SORCS2: variants seen among roughly 807,000 people sequenced by gnomAD.
SORCS2 encodes sortilin related VPS10 domain containing receptor 2, also known as VPS10 domain-containing receptor SorCS2.
A neutral mutation model predicts 141.6 loss-of-function variants in SORCS2; 100 were observed. The observed-to-expected ratio is 0.71, with a 90% CI of 0.60 to 0.83. The LOEUF (loss-of-function observed/expected upper bound fraction) is 0.83. Among genes scored for constraint, SORCS2 ranks in the 40% least tolerant of loss-of-function variants. The pLI is 0.00. For missense variants in SORCS2, 1,646 were observed against 1,560.2 expected (o/e 1.05, Z -0.93); for synonymous variants, 789 against 676.9 (o/e 1.17, Z -2.57).
intron 3 of SORCS2, among the ~76,000 whole-genome samples, chr4:7,623,747 C>T (rs1050094450): frequency 6.6e-6 from 1 of 152,344 alleles, no homozygotes; most frequent in Non-Finnish European, 1.5e-5. Flanking sequence ...CTGGGGTTCA[C>T]GGCTGCCGCT....
intron 1 of SORCS2, among the ~76,000 whole-genome samples, chr4:7,195,158 C>G (rs973512319): frequency 1.4e-5 from 2 of 138,312 alleles, no homozygotes; most frequent in Non-Finnish European, 3.0e-5. Context: ...GGCTTGCGTC[C>G]TCACTGCTGG....
At chr4:7,584,968 A>G (rs547811397) in intron 3 of SORCS2, among the ~76,000 whole-genome samples, 1 of 152,118 alleles carries the variant, frequency 6.6e-6, no homozygotes, top group African/African-American at 2.4e-5. Context: ...GGTGATGTGA[A>G]TCTCTTGTTG....
chr4:7,386,388 CATG>C (rs1273524867), intron 1 of SORCS2, among the ~76,000 whole-genome samples: 4 of 120,820 alleles, frequency 3.3e-5, no homozygotes, highest in Admixed American at 1.7e-4. Flanking sequence ...TGCACACACA[CATG>C]GACATACACA....
chr4:7,344,396 A>G (rs1720534620), intron 1 of SORCS2, among the ~76,000 whole-genome samples: 1 of 152,196 alleles, frequency 6.6e-6, no homozygotes, highest in Non-Finnish European at 1.5e-5. Context: ...CCTAGCACTC[A>G]GGCCTTCACT....
At chr4:7,352,426 C>T (rs1029451805) in intron 1 of SORCS2, among the ~76,000 whole-genome samples, 4 of 152,208 alleles carry the variant, frequency 2.6e-5, no homozygotes, top group African/African-American at 9.6e-5. Context: ...AGTGCTGGGA[C>T]TCACCCCAAT....
At chr4:7,462,432 C>T (rs532882123) in intron 2 of SORCS2, among the ~76,000 whole-genome samples, 1 of 152,252 alleles carries the variant, frequency 6.6e-6, no homozygotes, top group Non-Finnish European at 1.5e-5. Flanking sequence ...TTGTTTTATG[C>T]TTTTTATAAG....
intron 3 of SORCS2, among the ~76,000 whole-genome samples, chr4:7,587,491 T>G (rs1716614037): frequency 6.6e-6 from 1 of 152,228 alleles, no homozygotes; most frequent in South Asian, 2.1e-4. Flanking sequence ...GAGACTGTCA[T>G]CAGGGTTGGA....
intron 2 of SORCS2, among the ~76,000 whole-genome samples, chr4:7,522,353 A>C (rs1293101561): frequency 2.0e-5 from 3 of 152,272 alleles, no homozygotes; most frequent in Non-Finnish European, 4.4e-5. Context: ...GCAGTTAAGC[A>C]GCCGATTTGC....
chr4:7,638,625 G>A (rs1422408982), intron 4 of SORCS2, 133 bp downstream of exon 4: 2 of 925,620 alleles, frequency 2.2e-6, no homozygotes, highest in East Asian at 3.0e-5. Flanking sequence ...TCCCGGGGCT[G>A]GGGGCCGGGA....
Position 7,636,966 on chromosome 4 carries a change from C to T in SORCS2, c.649-1362C>T, listed in dbSNP as rs535338585. On this transcript the variant is annotated intron_variant, in intron 3 of 26. Coordinates refer to ENST00000507866, the MANE Select transcript of SORCS2 (RefSeq NM_020777.3). The stretch of plus-strand genomic sequence containing the variant: ...CCAGCTTCCTGAGCTGCCAGCAATT[C>T]ATGGCCGTGGTGATGTGCAGATGTG... Among the ~76,000 whole-genome samples, 8 of 152,208 alleles carry T rather than the reference C, an allele frequency of 5.3e-5. No individual in the cohort carries two copies. The East Asian group carries it at 1.5e-3, about 29-fold the overall frequency.
At chr4:7,317,786 A>T (rs1718657460) in intron 1 of SORCS2, among the ~76,000 whole-genome samples, 1 of 152,182 alleles carries the variant, frequency 6.6e-6, no homozygotes, top group Admixed American at 6.5e-5. Flanking sequence ...TGAAGGTGAG[A>T]AGGGGCTTCC....
At chr4:7,279,588 A>T (rs1715726653) in intron 1 of SORCS2, among the ~76,000 whole-genome samples, 1 of 152,232 alleles carries the variant, frequency 6.6e-6, no homozygotes. Context: ...CAAGACAGCC[A>T]GTTCAAGGGC....
At position 7,376,908 on chromosome 4, in the gene SORCS2, C is replaced by T. The variant is rs552455181; in HGVS notation, c.481-19380C>T. ...GTCATTCCTGACCCCCACCCCCACC[C>T]AGCCCACGGATGTTCCAGCCCCAGT... On this transcript the variant is annotated intron_variant, in intron 1 of 26. Transcript: ENST00000507866. 1.2e-4 allele frequency among the ~76,000 whole-genome samples: 18 copies of T among 152,152 alleles called. No homozygotes were observed. In the South Asian group the frequency reaches 3.5e-3, roughly 30 times the overall value.
intron 20 of SORCS2, among the ~76,000 whole-genome samples, 171 bp downstream of exon 20, chr4:7,725,458 C>A (rs900486281): frequency 5.3e-5 from 8 of 152,194 alleles, no homozygotes; most frequent in African/African-American, 1.9e-4. Context: ...TCCGTGGGTG[C>A]CTTTTCAGGG....
chr4:7,398,986 A>G (rs1724397668), intron 2 of SORCS2, among the ~76,000 whole-genome samples: 1 of 152,202 alleles, frequency 6.6e-6, no homozygotes, highest in Non-Finnish European at 1.5e-5. Context: ...CCTGCTGGCG[A>G]CTTTTCTAAC....
Position 7,384,088 on chromosome 4 carries a change from C to T in SORCS2, c.481-12200C>T, listed in dbSNP as rs909402280. 2.0e-5 allele frequency among the ~76,000 whole-genome samples: 3 copies of T among 152,348 alleles called. No individual in the cohort carries two copies. The Middle Eastern group carries it at 0.01, about 518-fold the overall frequency. On this transcript the variant is annotated intron_variant, in intron 1 of 26. Transcript: ENST00000507866. Reference sequence around the variant, plus strand: ...TCGTGCCTGTGAAGGTGTCCAATGCCTGTGCATGAAGGGCCTTCTTCCTCC... The same window carrying T: ...TCGTGCCTGTGAAGGTGTCCAATGCTTGTGCATGAAGGGCCTTCTTCCTCC...
chr4:7,474,946 C>G (rs986810467), intron 2 of SORCS2, among the ~76,000 whole-genome samples: 64 of 152,248 alleles, frequency 4.2e-4, no homozygotes, highest in African/African-American at 1.5e-3. Flanking sequence ...CTCCCCCAGT[C>G]ACTGTCTCCA....
intron 3 of SORCS2, among the ~76,000 whole-genome samples, chr4:7,541,502 C>T (rs1234950892): frequency 2.0e-5 from 3 of 152,200 alleles, no homozygotes; most frequent in Non-Finnish European, 2.9e-5. Context: ...CCCTAGCCTC[C>T]TCAGGAGGGG....
intron 3 of SORCS2, among the ~76,000 whole-genome samples, chr4:7,623,509 T>C (rs1334588127): frequency 6.6e-6 from 1 of 152,016 alleles, no homozygotes; most frequent in African/African-American, 2.4e-5. Context: ...TGGTTCACTG[T>C]TTTTCCCCCA....
Sources: allele counts gnomAD v4.1 joint callset (sites outside exome capture counted in the v4.1 genomes callset), GRCh38; gene constraint gnomAD v4.1.1; transcripts MANE v1.5; gene names NCBI Gene and HGNC (gene_info 2026-07-23, HGNC 2026-07-21).